The following TRPV6 variants were observed in gnomAD, a reference collection of about 807,000 sequenced individuals.
TRPV6 encodes Alu-binding protein with zinc finger domain.
Under a neutral mutation model 79.0 loss-of-function variants are expected in TRPV6, and 39 were observed. The ratio of observed to expected loss-of-function variants is 0.49; its 90% confidence interval spans 0.38 to 0.64. The LOEUF (loss-of-function observed/expected upper bound fraction) is 0.64. Among genes scored for constraint, TRPV6 ranks in the 30% least tolerant of loss-of-function variants. TRPV6 has a pLI of 0.00. For missense variants in TRPV6, 813 were observed against 1,011.1 expected (o/e 0.80, Z 2.66); for synonymous variants, 373 against 391.9 (o/e 0.95, Z 0.57).
At chr7:142,875,318 G>T (rs867080646) in intron 8 of TRPV6, 150 bp downstream of exon 8, 10 of 1,212,974 alleles carry the variant, frequency 8.2e-6, no homozygotes, top group Non-Finnish European at 5.8e-6. Flanking sequence ...GAGCGTATGT[G>T]TGTTTTTGTG....
At chr7:142,885,346 G>A (rs1795282887) in intron 1 of TRPV6, 43 bp downstream of exon 1, 2 of 1,580,346 alleles carry the variant, frequency 1.3e-6, no homozygotes, top group South Asian at 2.3e-5. Context: ...TAGAGGTGCA[G>A]GCCTGGGGAG....
Position 142,872,488 on chromosome 7 carries a change from G to A in TRPV6, c.1909-10C>T. 1.2e-6 allele frequency: 2 copies of A among 1,608,938 alleles called. No homozygotes were observed. ...CTGTGGTGGCCACAATCTGCGTATG[G>A]GAACAAAAGGAGAAGTCAGAGATGA... is the stretch of plus-strand genomic sequence containing the variant. On this transcript the variant is annotated splice_polypyrimidine_tract_variant and intron_variant, in intron 13 of 14. Transcript: ENST00000359396.
intron 1 of TRPV6, 176 bp downstream of exon 1, chr7:142,885,213 C>T: frequency 3.2e-6 from 2 of 633,642 alleles, no homozygotes; most frequent in South Asian, 5.1e-5. Flanking sequence ...TCCTCTTTCA[C>T]CAGCCCTACA....
chr7:142,876,390 A>C lies in TRPV6; in HGVS notation c.882+18T>G, dbSNP rs772972717. On this transcript the variant is annotated intron_variant, in intron 6 of 14. Transcript: ENST00000359396. ...GGGTCATTAGAAAGACACCTCAGGGATGGGGACCGTCTCTCACCACAGTGT... is the reference window on the plus strand; with the variant it reads ...GGGTCATTAGAAAGACACCTCAGGGCTGGGGACCGTCTCTCACCACAGTGT... 1 of 1,609,988 alleles carries C rather than the reference A, an allele frequency of 6.2e-7. No homozygotes were observed. The highest frequency in any genetic ancestry group is 1.1e-5 in the South Asian group (1 of 90,244).
intron 1 of TRPV6, chr7:142,882,429 G>GC (rs1364514577): frequency 6.6e-6 from 1 of 152,184 alleles, no homozygotes; most frequent in Non-Finnish European, 1.5e-5. Context: ...CAAGAATCCA[G>GC]CCCCAGGCTC....
In TRPV6 at chr7:142,885,630, G is replaced by T; in HGVS notation, c.7C>A (p.Pro3Thr). The change falls in exon 1 of 15, where the codon CCT (proline) becomes ACT (threonine). Residue 3 changes from proline to threonine, a missense_variant. By Grantham distance (38) the Pro-to-Thr change is conservative. This residue lies in a region of TRPV6 where 555 missense variants were observed against 631.0 expected (regional missense o/e 0.88). Transcript: ENST00000359396. The stretch of plus-strand genomic sequence containing the variant: ...GCCGGCCCACCGTCTCCCTGTAGAG[G>T]TCCCGTCTCCTGTCTCCTGCCTTCC... The T allele has an allele frequency of 7.1e-7, 1 of 1,407,536 alleles. No homozygotes were observed. The highest frequency in any genetic ancestry group is 9.5e-7 in the Non-Finnish European group (1 of 1,051,174). 87.2% of individuals were successfully genotyped at this position (1,407,536 alleles called of 1,614,324 possible). A position where few individuals can be genotyped will look rare whatever the true frequency, so the allele number is the denominator to read the frequency against.
intron 1 of TRPV6, chr7:142,878,944 T>A (rs547467608): frequency 6.6e-6 from 1 of 152,330 alleles, no homozygotes; most frequent in South Asian, 2.1e-4. Flanking sequence ...GGTCCTTGCA[T>A]GCAAAAACCG....
At chr7:142,884,143 T>C (rs1795249186) in intron 1 of TRPV6, 1 of 152,192 alleles carries the variant, frequency 6.6e-6, no homozygotes, top group Non-Finnish European at 1.5e-5. Context: ...ACCTACTCTC[T>C]AACAACAATG....
chr7:142,874,018 C>T (rs1443348388), intron 12 of TRPV6, 58 bp downstream of exon 12: 3 of 1,573,518 alleles, frequency 1.9e-6, no homozygotes, highest in Admixed American at 3.5e-5. Context: ...GAGCCAGTGC[C>T]CCCTAGACTT....
Position 142,875,101 on chromosome 7 carries a change from C to T in TRPV6, c.1306G>A (p.Ala436Thr). 2 of 1,614,160 alleles carry T rather than the reference C, an allele frequency of 1.2e-6. No individual in the cohort carries two copies. Among genetic ancestry groups the T allele is most frequent in the Non-Finnish European group, 1.7e-6 (2 of 1,180,032 alleles). ...ACCTCTACCAGCAGGATGATGATAGCCCCAATGACAGTCACCAGCTCCCCG... is the reference window on the plus strand; with the variant it reads ...ACCTCTACCAGCAGGATGATGATAGTCCCAATGACAGTCACCAGCTCCCCG... Residue 436 changes from alanine (A) to threonine (T), a missense_variant, in exon 9 of 15, where the codon GCT (alanine) becomes ACT (threonine). This residue lies in a region of TRPV6 where 555 missense variants were observed against 631.0 expected (regional missense o/e 0.88). Coordinates refer to ENST00000359396, the MANE Select transcript of TRPV6 (RefSeq NM_018646.6).
At position 142,875,610 on chromosome 7, in the gene TRPV6, G is replaced by A. The variant is rs750766295; in HGVS notation, c.1100C>T (p.Pro367Leu). The change falls in exon 8 of 15, where the codon CCG (proline) becomes CTG (leucine). Residue 367 changes from proline to leucine, a missense_variant. Transcript: ENST00000359396. ...TATGGCACCCAGCATGCAGAAGTAC[G>A]GCCGCCCGTACCGCTTCCACTTGAG... 119 of 1,613,614 alleles carry A rather than the reference G, an allele frequency of 7.4e-5. No homozygotes were observed. Among genetic ancestry groups the A allele is most frequent in the Non-Finnish European group, 9.2e-5 (108 of 1,179,962 alleles).
intron 13 of TRPV6, 88 bp from the exon 14 acceptor site, chr7:142,872,566 G>T: frequency 7.7e-7 from 1 of 1,299,768 alleles, no homozygotes. Context: ...ACCTTCTTCA[G>T]TGGGAGAGAG....
At chr7:142,877,605 C>T in intron 3 of TRPV6, 46 bp downstream of exon 3, 1 of 1,592,098 alleles carries the variant, frequency 6.3e-7, no homozygotes, top group Non-Finnish European at 8.6e-7. Context: ...CTTGAAATAC[C>T]CAACCAGTCA....
chr7:142,876,791 G>A lies in TRPV6; in HGVS notation c.654C>T (p.Ile218=), dbSNP rs138110961. The change falls in exon 5 of 15, where the codon ATC becomes ATT. Residue 218 remains isoleucine (I), a synonymous_variant. Transcript: ENST00000359396. The stretch of plus-strand genomic sequence containing the variant: ...CTCCATGCTCAATGAGCAGCCGCAC[G>A]ATCTCCTCACTGTTCACACAGGCAG... The A allele has an allele frequency of 5.3e-4, 856 of 1,614,098 alleles. 1 individual carries two copies. The highest frequency in any genetic ancestry group is 6.3e-4 in the Non-Finnish European group (746 of 1,180,014).
intron 1 of TRPV6, chr7:142,882,680 C>G (rs1194808793): frequency 6.6e-6 from 1 of 152,186 alleles, no homozygotes; most frequent in Admixed American, 6.5e-5. Context: ...AGTGCCACAG[C>G]TCCTTTTGTG....
intron 1 of TRPV6, chr7:142,884,994 T>C (rs1348242852): frequency 2.5e-5 from 4 of 160,314 alleles, no homozygotes; most frequent in Non-Finnish European, 4.1e-5. Flanking sequence ...TACTATGTGT[T>C]CCTGCCAGAG....
intron 14 of TRPV6, 50 bp downstream of exon 14, chr7:142,872,322 C>A: frequency 6.3e-7 from 1 of 1,590,470 alleles, no homozygotes. Flanking sequence ...CAGGGGGATA[C>A]CCTGCCGATG....
In TRPV6 at chr7:142,876,555, G is replaced by A; in HGVS notation, c.735C>T (p.Leu245=). The stretch of plus-strand genomic sequence containing the variant: ...GGCAGGCAAAGGTTTTGTTGGGCTG[G>A]AGGATGAGGATGTGTAACACTGTGT... Residue 245 remains leucine (L), a synonymous_variant, in exon 6 of 15, where the codon CTC becomes CTT. Transcript: ENST00000359396. 1 of 1,614,148 alleles carries A rather than the reference G, an allele frequency of 6.2e-7. No homozygotes were observed.
intron 8 of TRPV6, 102 bp downstream of exon 8, chr7:142,875,366 T>G (rs1795036857): frequency 2.2e-6 from 3 of 1,354,932 alleles, no homozygotes; most frequent in Non-Finnish European, 3.0e-6. Flanking sequence ...TATTTGAGAT[T>G]AGAGCAAGGG....
Sources: gnomAD v4.1 joint callset for allele counts on GRCh38, gnomAD v4.1.1 for gene constraint, gnomAD v4.1.1 regional missense constraint, MANE v1.5 for transcripts, NCBI Gene and HGNC (gene_info 2026-07-23, HGNC 2026-07-21) for gene names.